Variants in AKAP12 observed in about 807,000 individuals in gnomAD.
AKAP12 encodes the protein A-kinase anchoring protein 12.
Under a neutral mutation model 79.9 loss-of-function variants are expected in AKAP12, and 32 were observed. That is an observed-to-expected ratio of 0.40 (90% CI 0.30 to 0.54). The LOEUF is 0.54. AKAP12 is among the 20% of genes least tolerant of loss of function. The probability of loss-of-function intolerance (pLI) is 0.48; values close to 1 mark genes in which losing one functional copy is unlikely to be tolerated. For missense variants in AKAP12, 2,074 were observed against 2,177.0 expected, an observed-to-expected ratio of 0.95 and a Z score of 0.94; for synonymous variants, 808 against 857.0, an observed-to-expected ratio of 0.94 and a Z score of 1.00.
intron 3 of AKAP12, among the ~76,000 whole-genome samples, chr6:151,313,333 A>G (rs1384396303): frequency 2.0e-5 from 3 of 152,238 alleles, no homozygotes; most frequent in South Asian, 2.1e-4. Context: ...TTCAAATACA[A>G]TATTATTGCA....
At chr6:151,344,371 ATTCATCT>A (rs1778029209) in intron 3 of AKAP12, among the ~76,000 whole-genome samples, 1 of 140,342 alleles carries the variant, frequency 7.1e-6, no homozygotes, top group Non-Finnish European at 1.6e-5. Flanking sequence ...CAGATAACCT[ATTCATCT>A]ATGAATATCC....
rs1423049713 is a variant in AKAP12 at position 151,357,130 on chromosome 6, T to G, written c.*1416T>G. 6.6e-6 allele frequency: 1 copy of G among 152,178 alleles called. No homozygotes were observed. The highest frequency in any genetic ancestry group is 1.5e-5 in the Non-Finnish European group (1 of 68,044). The allele number at this position is 152,178 out of a possible 1,614,324, so 9.4% of individuals were successfully genotyped here. The stretch of plus-strand genomic sequence containing the variant: ...CTTTCCTGAAATAATCTTGGAAAAT[T>G]TTTTAAATGTCAAAATGATGAGTCA... On this transcript the variant is annotated 3_prime_UTR_variant, in exon 5 of 5. Coordinates refer to ENST00000402676, the MANE Select transcript of AKAP12 (RefSeq NM_005100.4).
intron 2 of AKAP12, among the ~76,000 whole-genome samples, chr6:151,263,004 A>C (rs1797468038): frequency 8.9e-6 from 1 of 112,448 alleles, no homozygotes; most frequent in Non-Finnish European, 2.0e-5. Flanking sequence ...GATTAGCTGA[A>C]GTTAAGTTAA....
chr6:151,251,971 C>T (rs928026944), intron 2 of AKAP12, among the ~76,000 whole-genome samples: 2 of 151,878 alleles, frequency 1.3e-5, no homozygotes, highest in South Asian at 2.1e-4. Flanking sequence ...CACTTCAGCC[C>T]GGGCAACAGC....
Position 151,349,555 on chromosome 6 carries a change from G to A in AKAP12, c.1164G>A (p.Ser388=), listed in dbSNP as rs35341741. 0.087 allele frequency: 140,062 copies of A among 1,611,044 alleles called. 7,038 individuals are homozygous for A. The highest frequency in any genetic ancestry group is 0.2 in the Middle Eastern group (1,224 of 6,024). Residue 388 remains serine, a synonymous_variant, in exon 4 of 5, where the codon TCG becomes TCA. Transcript: ENST00000402676. ...ELPSEEQVSG[S]QGPSEEKPAP... Reference sequence around the variant, plus strand: ...CCTCAGAGGAGCAAGTCAGTGGCTCGCAGGGACCTTCTGAAGAGAAACCTG... The same window carrying A: ...CCTCAGAGGAGCAAGTCAGTGGCTCACAGGGACCTTCTGAAGAGAAACCTG...
chr6:151,251,455 T>C (rs1797173003), intron 2 of AKAP12, among the ~76,000 whole-genome samples: 1 of 152,104 alleles, frequency 6.6e-6, no homozygotes, highest in Non-Finnish European at 1.5e-5. Context: ...ATCTCAGATA[T>C]CAGTGGGGCA....
chr6:151,249,951 G>A (rs1797143205), intron 2 of AKAP12, among the ~76,000 whole-genome samples: 2 of 152,116 alleles, frequency 1.3e-5, no homozygotes, highest in African/African-American at 4.8e-5. Context: ...CGTGGGCATG[G>A]TGGCTCACAC....
chr6:151,341,750 G>A (rs1204475455), intron 3 of AKAP12: 2 of 1,282,930 alleles, frequency 1.6e-6, no homozygotes, highest in East Asian at 5.6e-5. Flanking sequence ...GGAATCCCGA[G>A]GGCCACCAAC....
chr6:151,351,804 C>T lies in AKAP12; in HGVS notation c.3413C>T (p.Thr1138Ile), dbSNP rs753882526. 3.1e-6 allele frequency: 5 copies of T among 1,614,016 alleles called. No homozygotes were observed. The East Asian group carries it at 6.7e-5, about 22-fold the overall frequency. ...ESIESSELVT[T>I]CQAETLAGVK... is the part of the protein sequence containing the mutation. ...ATAGAGTCCAGTGAGCTTGTAACCACTTGTCAAGCCGAAACCTTAGCTGGG... is the reference window on the plus strand; with the variant it reads ...ATAGAGTCCAGTGAGCTTGTAACCATTTGTCAAGCCGAAACCTTAGCTGGG... The change falls in exon 4 of 5, where the codon ACT (threonine) becomes ATT (isoleucine). Residue 1138 changes from threonine to isoleucine, a missense_variant. By Grantham distance (89) the Thr-to-Ile change is moderately conservative (BLOSUM62 -1). This residue lies in a region of AKAP12 where 1,428 missense variants were observed against 1,451.0 expected (regional missense o/e 0.98). Transcript: ENST00000402676. The surrounding 1 kb of genome is among the most constrained non-coding windows in gnomAD (Gnocchi z 4.4).
intron 2 of AKAP12, among the ~76,000 whole-genome samples, chr6:151,298,564 C>A (rs1463464704): frequency 6.6e-6 from 1 of 152,082 alleles, no homozygotes; most frequent in Middle Eastern, 3.2e-3. Flanking sequence ...GAAGCCAATG[C>A]GGGTGGATCA....
chr6:151,254,164 T>A (rs1481497553), intron 2 of AKAP12, among the ~76,000 whole-genome samples: 3 of 152,234 alleles, frequency 2.0e-5, no homozygotes, highest in African/African-American at 7.2e-5. Context: ...AAAAGTTTAC[T>A]AAATTAGTCT....
intron 2 of AKAP12, among the ~76,000 whole-genome samples, chr6:151,285,560 C>T (rs62441530): frequency 0.045 from 6,866 of 151,526 alleles, 358 homozygotes; most frequent in East Asian, 0.24. Context: ...TCCTTTCTTG[C>T]GGTGACTTCT....
chr6:151,348,976 T>C lies in AKAP12; in HGVS notation c.585T>C (p.Thr195=), dbSNP rs774955524. The C allele has an allele frequency of 3.1e-6, 5 of 1,613,922 alleles. No homozygotes were observed. In the African/African-American group the frequency reaches 6.7e-5, roughly 22 times the overall value. The change falls in exon 4 of 5, where the codon ACT becomes ACC. Residue 195 remains threonine, a synonymous_variant. Transcript: ENST00000402676. ...VKKDKTEKPD[T]VQLLTVKKDE... is the part of the protein sequence containing the mutation. ...AGGATAAGACAGAGAAGCCTGACAC[T>C]GTCCAGCTACTCACTGTGAAGAAAG...
rs111818234 is a variant in AKAP12 at position 151,352,599 on chromosome 6, A to G, written c.4208A>G (p.Glu1403Gly). The G allele has an allele frequency of 6.2e-7, 1 of 1,614,210 alleles. No homozygotes were observed. The highest frequency in any genetic ancestry group is 8.5e-7 in the Non-Finnish European group (1 of 1,180,050). Residue 1403 changes from glutamate to glycine, a missense_variant, in exon 4 of 5, where the codon GAG becomes GGG. Physicochemically the swap from Glu to Gly is moderately conservative, Grantham distance 98 (BLOSUM62 -2). Transcript: ENST00000402676. ...AGCCCTCCTCCCTGCCTAGGTCAAG[A>G]GGAGGCAGTATGCACCAAAATTCAA... is the stretch of plus-strand genomic sequence containing the variant. ...EGSPPPCLGQEEAVCTKIQVQ... is the reference protein window; with the variant it reads ...EGSPPPCLGQGEAVCTKIQVQ...
chr6:151,244,138 G>A (rs1797026159), intron 2 of AKAP12, among the ~76,000 whole-genome samples: 2 of 152,198 alleles, frequency 1.3e-5, no homozygotes, highest in Admixed American at 6.5e-5. Context: ...GATTACAAGA[G>A]CCTTGAATCA....
intron 2 of AKAP12, among the ~76,000 whole-genome samples, chr6:151,305,316 A>G (rs1303378738): frequency 3.9e-5 from 6 of 152,166 alleles, no homozygotes; most frequent in African/African-American, 1.4e-4. Flanking sequence ...TGACTTGTTC[A>G]GTCAATTATG....
intron 3 of AKAP12, among the ~76,000 whole-genome samples, chr6:151,329,220 TTC>T (rs1379131725): frequency 6.6e-6 from 1 of 152,038 alleles, no homozygotes; most frequent in Non-Finnish European, 1.5e-5. Context: ...GTTCAAGCAG[TTC>T]TCCCTGCCTC....
intron 2 of AKAP12, among the ~76,000 whole-genome samples, chr6:151,255,513 T>C (rs1238341791): frequency 2.0e-5 from 3 of 151,902 alleles, no homozygotes; most frequent in Non-Finnish European, 4.4e-5. Flanking sequence ...AAAAATTGTT[T>C]AGAGTCAGGC....
intron 2 of AKAP12, among the ~76,000 whole-genome samples, chr6:151,243,225 G>C (rs1797011426): frequency 6.6e-6 from 1 of 152,184 alleles, no homozygotes; most frequent in Admixed American, 6.5e-5. Flanking sequence ...ATTACATCTT[G>C]AACTTCCTTG....
Sources: gnomAD v4.1 joint callset for allele counts (sites outside exome capture counted in the v4.1 genomes callset) on GRCh38, gnomAD v4.1.1 for gene constraint, gnomAD v4.1.1 regional missense constraint, Gnocchi (gnomAD v3.1) non-coding constraint, MANE v1.5 for transcripts, NCBI Gene and HGNC (gene_info 2026-07-23, HGNC 2026-07-21) for gene names.